The following SEMA6A variants were observed in gnomAD, a reference collection of about 807,000 sequenced individuals.
SEMA6A encodes semaphorin-6A.
A neutral mutation model predicts 96.8 loss-of-function variants in SEMA6A; 25 were observed. The ratio of observed to expected loss-of-function variants is 0.26; its 90% CI spans 0.19 to 0.36. The LOEUF (loss-of-function observed/expected upper bound fraction) is 0.36. Ranked by LOEUF, SEMA6A falls within the 10% of genes least tolerant of loss-of-function variation. The probability of loss-of-function intolerance (pLI) is 1.00; values close to 1 mark genes in which losing one functional copy is unlikely to be tolerated. For missense variants in SEMA6A, 1,363 were observed against 1,323.1 expected (o/e 1.03, Z -0.47); for synonymous variants, 612 against 518.0 (o/e 1.18, Z -2.46).
At chr5:116,491,699 A>G (rs1480505712) in intron 7 of SEMA6A, 41 bp downstream of exon 7, 2 of 1,492,374 alleles carry the variant, frequency 1.3e-6, no homozygotes. Context: ...AGGATGAAAC[A>G]AGCAAAAGCA....
chr5:116,542,984 T>C (rs1195093510), intron 1 of SEMA6A, among the ~76,000 whole-genome samples: 2 of 152,188 alleles, frequency 1.3e-5, no homozygotes, highest in African/African-American at 4.8e-5. Context: ...ACTGAGATTC[T>C]GTAAGTACAT....
At chr5:116,515,349 G>A (rs374535592) in intron 1 of SEMA6A, among the ~76,000 whole-genome samples, 1 of 152,186 alleles carries the variant, frequency 6.6e-6, no homozygotes, top group African/African-American at 2.4e-5. Flanking sequence ...CAGAGAAGAA[G>A]GGGTGGGGGA....
At chr5:116,459,734 C>T (rs1755254314) in intron 18 of SEMA6A, among the ~76,000 whole-genome samples, 1 of 152,158 alleles carries the variant, frequency 6.6e-6, no homozygotes. Flanking sequence ...TACTCTCCCT[C>T]CCCCTCTTTC....
intron 1 of SEMA6A, among the ~76,000 whole-genome samples, chr5:116,519,664 T>TAC (rs72233200): frequency 0.072 from 10,584 of 146,936 alleles, 474 homozygotes; most frequent in African/African-American, 0.13. Context: ...ATGCTGTGTG[T>TAC]ACACACACAC....
chr5:116,541,061 T>C (rs1355849555), intron 1 of SEMA6A, among the ~76,000 whole-genome samples: 3 of 152,200 alleles, frequency 2.0e-5, no homozygotes, highest in Non-Finnish European at 4.4e-5. Context: ...TGGAAGAAAC[T>C]ACAGGAGTCA....
At chr5:116,482,629 G>C in intron 10 of SEMA6A, 54 bp from the exon 11 acceptor site, 6 of 1,588,056 alleles carry the variant, frequency 3.8e-6, no homozygotes, top group Non-Finnish European at 5.2e-6. Context: ...TATGCATGTG[G>C]TTTGGAACAT....
intron 7 of SEMA6A, among the ~76,000 whole-genome samples, chr5:116,489,459 A>G (rs1337668458): frequency 6.6e-6 from 1 of 152,180 alleles, no homozygotes; most frequent in Admixed American, 6.6e-5. Flanking sequence ...AGAAGTCCTC[A>G]GCCTGATCAG....
chr5:116,531,467 A>G (rs1759474034), intron 1 of SEMA6A, among the ~76,000 whole-genome samples: 1 of 152,064 alleles, frequency 6.6e-6, no homozygotes, highest in African/African-American at 2.4e-5. Flanking sequence ...GACTGGAGAC[A>G]TTTCCCAGGA....
intron 1 of SEMA6A, among the ~76,000 whole-genome samples, chr5:116,541,628 A>G (rs1333606389): frequency 2.6e-5 from 4 of 152,076 alleles, no homozygotes; most frequent in Non-Finnish European, 5.9e-5. Flanking sequence ...AGGTCAGGAG[A>G]TCGAGACCAG....
At chr5:116,496,417 T>C in intron 4 of SEMA6A, 104 bp from the exon 5 acceptor site, 1 of 899,046 alleles carries the variant, frequency 1.1e-6, no homozygotes, top group Middle Eastern at 2.3e-4. Context: ...CATATATTTA[T>C]TGAAAGCTTT....
intron 1 of SEMA6A, among the ~76,000 whole-genome samples, chr5:116,540,149 A>C (rs1176074646): frequency 6.6e-6 from 1 of 152,230 alleles, no homozygotes; most frequent in East Asian, 1.9e-4. Context: ...TTTCCAAAAA[A>C]TGTGATAGGA....
At chr5:116,528,763 G>C (rs1759338658) in intron 1 of SEMA6A, among the ~76,000 whole-genome samples, 1 of 152,176 alleles carries the variant, frequency 6.6e-6, no homozygotes, top group Non-Finnish European at 1.5e-5. Flanking sequence ...CTAAACCTTT[G>C]TGCTAGGCAG....
chr5:116,478,789 A>G, intron 12 of SEMA6A, 71 bp from the exon 13 acceptor site: 2 of 1,453,808 alleles, frequency 1.4e-6, no homozygotes, highest in Middle Eastern at 1.8e-4. Context: ...TTCCACTTCA[A>G]ACAGCTGCGA....
In SEMA6A at chr5:116,573,128, G is replaced by C. The variant is rs567190709; in HGVS notation, c.-39+1057C>G. Among the ~76,000 whole-genome samples the C allele has an allele frequency of 3.9e-5, 6 of 152,222 alleles. No homozygotes were observed. The East Asian group carries it at 1.2e-3, about 30-fold the overall frequency. On this transcript the variant is annotated intron_variant, in intron 1 of 18. Coordinates refer to ENST00000343348, the MANE Select transcript of SEMA6A (RefSeq NM_020796.5). ...CAAAACGCGGAGAATCGGGACAAGA[G>C]ACACTTCCCGCCCCAGAAGGATCAG...
chr5:116,476,261 A>G (rs1312975200), intron 15 of SEMA6A, among the ~76,000 whole-genome samples: 1 of 152,218 alleles, frequency 6.6e-6, no homozygotes, highest in Non-Finnish European at 1.5e-5. Context: ...CATTAACAAA[A>G]CCAATTTTAA....
chr5:116,523,617 A>G (rs1174969315), intron 1 of SEMA6A, among the ~76,000 whole-genome samples: 1 of 152,168 alleles, frequency 6.6e-6, no homozygotes, highest in Non-Finnish European at 1.5e-5. Flanking sequence ...CGGCCTAGAC[A>G]GCAGTTTCAT....
intron 1 of SEMA6A, among the ~76,000 whole-genome samples, chr5:116,505,817 A>G (rs1758120038): frequency 6.6e-6 from 1 of 152,128 alleles, no homozygotes; most frequent in Admixed American, 6.6e-5. Flanking sequence ...CTTTATGTGC[A>G]GAAAAATTCT....
At chr5:116,505,352 G>C (rs1016944667) in intron 1 of SEMA6A, among the ~76,000 whole-genome samples, 5 of 151,970 alleles carry the variant, frequency 3.3e-5, no homozygotes, top group Admixed American at 1.3e-4. Flanking sequence ...TATTAATCTA[G>C]ATTTTTCAGC....
At chr5:116,500,485 A>C (rs1233564645) in intron 3 of SEMA6A, among the ~76,000 whole-genome samples, 1 of 152,256 alleles carries the variant, frequency 6.6e-6, no homozygotes, top group Non-Finnish European at 1.5e-5. Flanking sequence ...TGTGCAGAGC[A>C]TACTAGTTGT....
Sources: allele counts gnomAD v4.1 joint callset (sites outside exome capture counted in the v4.1 genomes callset), GRCh38; gene constraint gnomAD v4.1.1; transcripts MANE v1.5; gene names NCBI Gene and HGNC (gene_info 2026-07-23, HGNC 2026-07-21).